ERO1B: variants seen among roughly 807,000 people sequenced by gnomAD.
ERO1B encodes the protein ERO1-like protein beta.
A neutral mutation model predicts 75.3 loss-of-function variants in ERO1B; 49 were observed. That is an observed-to-expected ratio of 0.65 (90% CI 0.52 to 0.83). ERO1B has a LOEUF of 0.83. Ranked by LOEUF, ERO1B falls within the 40% of genes least tolerant of loss-of-function variation. The pLI is 0.00. For synonymous variants in ERO1B, 191 were observed against 192.9 expected (o/e 0.99, Z 0.08); for missense variants, 512 against 560.1 (o/e 0.91, Z 0.87).
Position 236,226,209 on chromosome 1 carries a change from A to G in ERO1B, c.1052+60T>C, listed in dbSNP as rs138431891. The G allele has an allele frequency of 2.7e-5, 42 of 1,567,688 alleles. No homozygotes were observed. In the East Asian group the frequency reaches 4.0e-4, roughly 15 times the overall value. On this transcript the variant is annotated intron_variant, in intron 12 of 15. Transcript: ENST00000354619. ...TAGGAGTCAGTTTTTGTGTACTTTA[A>G]GTGCTACCTCATTTGAATACAGAGA...
At chr1:236,273,810 GAAAAAAAAAA>G (rs71176476) in intron 1 of ERO1B, among the ~76,000 whole-genome samples, 7 of 102,732 alleles carry the variant, frequency 6.8e-5, no homozygotes, top group African/African-American at 2.1e-4. Flanking sequence ...TGTCTCAAAA[GAAAAAAAAAA>G]AAAAAAAAAA....
intron 15 of ERO1B, among the ~76,000 whole-genome samples, chr1:236,219,474 A>G (rs1664080171): frequency 1.3e-5 from 2 of 152,202 alleles, no homozygotes; most frequent in Admixed American, 1.3e-4. Flanking sequence ...GAAATTCTCA[A>G]TTGTTTTCAT....
chr1:236,264,661 T>C (rs527975196), intron 2 of ERO1B, among the ~76,000 whole-genome samples: 70 of 151,978 alleles, frequency 4.6e-4, no homozygotes, highest in Non-Finnish European at 7.8e-4. Flanking sequence ...CTGGCCAACA[T>C]GGTGAAACCC....
At chr1:236,258,501 A>T (rs1369118907) in intron 2 of ERO1B, among the ~76,000 whole-genome samples, 2 of 152,234 alleles carry the variant, frequency 1.3e-5, no homozygotes, top group Non-Finnish European at 2.9e-5. Flanking sequence ...ACAAAACGTA[A>T]GGAAATTTAT....
chr1:236,233,653 C>G (rs1179367733), intron 8 of ERO1B, among the ~76,000 whole-genome samples: 1 of 149,812 alleles, frequency 6.7e-6, no homozygotes, highest in Non-Finnish European at 1.5e-5. Context: ...CAGAAAGCAA[C>G]TAAAAAGTCA....
chr1:236,281,883 G>C lies in ERO1B; in HGVS notation c.-100C>G, dbSNP rs923544847. ...CAAGGGGACGGTTCCCAGCGGCCGA[G>C]CGACTCCAGGGTCAGAGGTCTGCAC... On this transcript the variant is annotated 5_prime_UTR_variant, in exon 1 of 16. Transcript: ENST00000354619. The C allele has an allele frequency of 6.5e-5, 54 of 836,454 alleles. No individual in the cohort carries two copies. The highest frequency in any genetic ancestry group is 1.8e-5 in the African/African-American group (1 of 56,676). The allele number at this position is 836,454 out of a possible 1,614,324, so 51.8% of individuals were successfully genotyped here.
intron 5 of ERO1B, among the ~76,000 whole-genome samples, chr1:236,248,012 C>G (rs1449820023): frequency 1.2e-4 from 18 of 152,266 alleles, no homozygotes; most frequent in Non-Finnish European, 2.2e-4. Context: ...CCCTAGCATT[C>G]ATCATCATTT....
intron 2 of ERO1B, among the ~76,000 whole-genome samples, chr1:236,261,076 A>G (rs1361605836): frequency 1.3e-5 from 2 of 152,216 alleles, no homozygotes; most frequent in Non-Finnish European, 2.9e-5. Context: ...TTATTTTGAT[A>G]GATGCAGAAA....
chr1:236,237,306 G>A (rs1044861937), intron 6 of ERO1B, among the ~76,000 whole-genome samples: 7 of 151,788 alleles, frequency 4.6e-5, no homozygotes, highest in African/African-American at 1.7e-4. Flanking sequence ...TAGTAAAGAC[G>A]GGGTTTCACT....
intron 5 of ERO1B, among the ~76,000 whole-genome samples, chr1:236,244,857 T>C (rs1437256905): frequency 6.6e-6 from 1 of 152,184 alleles, no homozygotes; most frequent in Non-Finnish European, 1.5e-5. Context: ...CAACACTATT[T>C]GCATGAGAAT....
intron 4 of ERO1B, among the ~76,000 whole-genome samples, chr1:236,250,747 TAC>T (rs1475558831): frequency 1.3e-5 from 2 of 150,634 alleles, no homozygotes; most frequent in East Asian, 1.9e-4. Context: ...CACACACACA[TAC>T]ACACACACGT....
chr1:236,247,551 G>T (rs990356702), intron 5 of ERO1B, among the ~76,000 whole-genome samples: 1 of 152,052 alleles, frequency 6.6e-6, no homozygotes, highest in South Asian at 2.1e-4. Flanking sequence ...CGATAATCAC[G>T]TAATAAGGCT....
At chr1:236,253,529 T>C in intron 2 of ERO1B, 24 bp from the exon 3 acceptor site, 1 of 1,493,502 alleles carries the variant, frequency 6.7e-7, no homozygotes, top group Non-Finnish European at 9.3e-7. Flanking sequence ...ACAAAGTTAG[T>C]AAACTCATAT....
chr1:236,230,395 T>G (rs1558507411), intron 9 of ERO1B, 145 bp from the exon 10 acceptor site: 1 of 603,778 alleles, frequency 1.7e-6, no homozygotes, highest in East Asian at 3.5e-5. Context: ...GCTGATCACT[T>G]GAGGCCAGGA....
In ERO1B at chr1:236,216,376, C is replaced by T. The variant is rs1318633073; in HGVS notation, c.*2140G>A. 1.3e-5 allele frequency: 2 copies of T among 152,116 alleles called. No individual in the cohort carries two copies. Among genetic ancestry groups the T allele is most frequent in the Non-Finnish European group, 1.5e-5 (1 of 67,994 alleles). The allele number at this position is 152,116 out of a possible 1,614,324, so 9.4% of individuals were successfully genotyped here. On this transcript the variant is annotated 3_prime_UTR_variant, in exon 16 of 16. Transcript: ENST00000354619. ...TTAGATCACAAGAACCATAAAATGT[C>T]ACCAGGCTCACACAATCATTTAAGA...
At chr1:236,275,479 C>T (rs144874874) in intron 1 of ERO1B, among the ~76,000 whole-genome samples, 1 of 152,280 alleles carries the variant, frequency 6.6e-6, no homozygotes, top group African/African-American at 2.4e-5. Context: ...ATGTGCAGAG[C>T]CTCCGTGCCT....
intron 2 of ERO1B, among the ~76,000 whole-genome samples, chr1:236,266,862 T>C (rs1359032515): frequency 6.6e-6 from 1 of 152,184 alleles, no homozygotes; most frequent in East Asian, 1.9e-4. Context: ...TATGAGCATG[T>C]TTTGGTTTCA....
rs900214734 is a variant in ERO1B, at chr1:236,216,643, G to A, written c.*1873C>T. 4.6e-5 allele frequency: 7 copies of A among 152,122 alleles called. No homozygotes were observed. Among genetic ancestry groups the A allele is most frequent in the African/African-American group, 1.2e-4 (5 of 41,534 alleles). The allele number at this position is 152,122 out of a possible 1,614,324, so 9.4% of individuals were successfully genotyped here. A position where few individuals can be genotyped will look rare whatever the true frequency, so the allele number is the denominator to read the frequency against. On this transcript the variant is annotated 3_prime_UTR_variant, in exon 16 of 16. Transcript: ENST00000354619. ...ACAGAAAAAAACAATAAATGGACAT[G>A]AGCGAGGATTTTCTCCAGTAAACAG...
chr1:236,241,317 A>G (rs186898654), intron 6 of ERO1B, among the ~76,000 whole-genome samples: 1 of 152,060 alleles, frequency 6.6e-6, no homozygotes, highest in Non-Finnish European at 1.5e-5. Flanking sequence ...GCCAAGGCAG[A>G]CGGATCACCT....
Sources: allele counts gnomAD v4.1 joint callset (sites outside exome capture counted in the v4.1 genomes callset), GRCh38; gene constraint gnomAD v4.1.1; transcripts MANE v1.5; gene names NCBI Gene and HGNC (gene_info 2026-07-23, HGNC 2026-07-21).